PMFBP1: variants seen among roughly 807,000 people sequenced by gnomAD.
PMFBP1 encodes polyamine-modulated factor 1-binding protein 1.
In PMFBP1, 131 loss-of-function variants were observed where a neutral mutation model predicts 137.8. That is an observed-to-expected ratio of 0.95 (90% CI 0.82 to 1.10). The LOEUF (loss-of-function observed/expected upper bound fraction) is 1.10, where lower values mean the gene tolerates loss of function less well. Among genes scored for constraint, PMFBP1 ranks in the 50% least tolerant of loss-of-function variants. PMFBP1 has a pLI of 0.00. For missense variants in PMFBP1, 1,199 were observed against 1,175.4 expected (o/e 1.02, Z -0.29); for synonymous variants, 490 against 450.4 (o/e 1.09, Z -1.11).
In PMFBP1 at chr16:72,132,839, C is replaced by T; in HGVS notation, c.1356G>A (p.Lys452=). The change falls in exon 10 of 21, where the codon AAG becomes AAA. Residue 452 remains lysine, a synonymous_variant. Transcript: ENST00000237353. The part of the protein sequence containing the change: ...EMTVKEAKQD[K]SKEAECKALQ... ...GGGCCTTGCACTCCGCCTCCTTGGA[C>T]TTGTCCTGCTTAGCCTCCTTGACTG... The T allele has an allele frequency of 6.2e-7, 1 of 1,614,242 alleles. No individual in the cohort carries two copies. Among genetic ancestry groups the T allele is most frequent in the Non-Finnish European group, 8.5e-7 (1 of 1,180,038 alleles).
chr16:72,125,752 G>C (rs1459976543), intron 15 of PMFBP1, among the ~76,000 whole-genome samples: 1 of 152,134 alleles, frequency 6.6e-6, no homozygotes, highest in East Asian at 1.9e-4. Flanking sequence ...GCTAGATTTG[G>C]TTTTGATCTT....
the PMFBP1 span, among the ~76,000 whole-genome samples, chr16:72,187,119 A>G: frequency 1.3e-5 from 2 of 151,880 alleles, no homozygotes; most frequent in South Asian, 4.1e-4. Context: ...TCTCAAAAAA[A>G]AAAAAAATAA....
At chr16:72,163,414 A>G (rs1459412557) in intron 3 of PMFBP1, among the ~76,000 whole-genome samples, 1 of 152,196 alleles carries the variant, frequency 6.6e-6, no homozygotes, top group Non-Finnish European at 1.5e-5. Flanking sequence ...AACAGCCTAG[A>G]CTCTAGATAA....
the PMFBP1 span, among the ~76,000 whole-genome samples, chr16:72,188,552 A>T: frequency 1.2e-4 from 19 of 152,234 alleles, no homozygotes; most frequent in Non-Finnish European, 2.6e-4. Flanking sequence ...CATGCTTTAC[A>T]TATGAAGCTC....
chr16:72,233,149 C>CT, the PMFBP1 span, among the ~76,000 whole-genome samples: 4 of 152,050 alleles, frequency 2.6e-5, no homozygotes, highest in African/African-American at 9.7e-5. Flanking sequence ...TGAACCCCCC[C>CT]AATAGTAAGG....
At chr16:72,243,187 G>A in the PMFBP1 span, among the ~76,000 whole-genome samples, 2 of 152,228 alleles carry the variant, frequency 1.3e-5, no homozygotes, top group Non-Finnish European at 2.9e-5. Flanking sequence ...TCCTGCCAAA[G>A]ACATTAATGC....
the PMFBP1 span, among the ~76,000 whole-genome samples, chr16:72,183,492 T>C: frequency 1.3e-5 from 2 of 152,170 alleles, no homozygotes; most frequent in African/African-American, 4.8e-5. Context: ...CATCTTTACA[T>C]GGTGTTCTCC....
At chr16:72,232,091 T>C in the PMFBP1 span, among the ~76,000 whole-genome samples, 1 of 152,170 alleles carries the variant, frequency 6.6e-6, no homozygotes, top group Admixed American at 6.6e-5. Flanking sequence ...TTGTGTGGAT[T>C]AAAAGCCCTC....
chr16:72,220,573 T>C, the PMFBP1 span, among the ~76,000 whole-genome samples: 3 of 152,230 alleles, frequency 2.0e-5, no homozygotes, highest in Admixed American at 2.0e-4. Flanking sequence ...AGATTTTCTA[T>C]ATAAACATTT....
At chr16:72,238,868 G>A in the PMFBP1 span, among the ~76,000 whole-genome samples, 6 of 152,012 alleles carry the variant, frequency 3.9e-5, no homozygotes, top group Admixed American at 6.6e-5. Flanking sequence ...TGGTGGGGTG[G>A]GCGTTACTGA....
At chr16:72,204,126 A>C in the PMFBP1 span, among the ~76,000 whole-genome samples, 1 of 151,004 alleles carries the variant, frequency 6.6e-6, no homozygotes, top group African/African-American at 2.4e-5. Context: ...CTCTGTGAGC[A>C]CTCAGCATAC....
the PMFBP1 span, among the ~76,000 whole-genome samples, chr16:72,216,288 T>C: frequency 6.6e-6 from 1 of 152,202 alleles, no homozygotes; most frequent in African/African-American, 2.4e-5. Context: ...GCAGAAATGA[T>C]TTTATTGTGT....
At chr16:72,166,568 C>T (rs1223193592) in intron 2 of PMFBP1, among the ~76,000 whole-genome samples, 1 of 152,154 alleles carries the variant, frequency 6.6e-6, no homozygotes, top group African/African-American at 2.4e-5. Flanking sequence ...TAAAGAAACA[C>T]TCCCAAGAAA....
At chr16:72,206,500 C>T in the PMFBP1 span, among the ~76,000 whole-genome samples, 2 of 152,214 alleles carry the variant, frequency 1.3e-5, no homozygotes, top group Non-Finnish European at 2.9e-5. Context: ...GAAATGCATA[C>T]GGCCTTTGTA....
intron 7 of PMFBP1, 32 bp from the exon 8 acceptor site, chr16:72,136,851 A>C: frequency 6.2e-7 from 1 of 1,613,532 alleles, no homozygotes; most frequent in Non-Finnish European, 8.5e-7. Flanking sequence ...CAGGATGAGG[A>C]GATGAGAGAC....
intron 19 of PMFBP1, among the ~76,000 whole-genome samples, chr16:72,120,454 C>A (rs1303399216): frequency 6.6e-6 from 1 of 152,214 alleles, no homozygotes; most frequent in Non-Finnish European, 1.5e-5. Context: ...CTGGTAGGGA[C>A]AACTGTGATC....
the PMFBP1 span, among the ~76,000 whole-genome samples, chr16:72,182,327 C>T: frequency 3.3e-5 from 5 of 152,090 alleles, no homozygotes; most frequent in Non-Finnish European, 7.4e-5. Flanking sequence ...AAAAACCTAT[C>T]TCTACTAAAA....
intron 11 of PMFBP1, 56 bp downstream of exon 11, chr16:72,130,477 C>T (rs1005284383): frequency 7.1e-5 from 115 of 1,608,404 alleles, no homozygotes; most frequent in South Asian, 2.1e-4. Flanking sequence ...ACAGAGGGCC[C>T]GGCTGGGTCA....
At chr16:72,202,930 G>A in the PMFBP1 span, among the ~76,000 whole-genome samples, 5 of 152,172 alleles carry the variant, frequency 3.3e-5, no homozygotes, top group Admixed American at 6.5e-5. Context: ...GCTGGGTGCC[G>A]ACGTTCAGAG....
Sources: allele counts gnomAD v4.1 joint callset (sites outside exome capture counted in the v4.1 genomes callset), GRCh38; gene constraint gnomAD v4.1.1; transcripts MANE v1.5; gene names NCBI Gene and HGNC (gene_info 2026-07-23, HGNC 2026-07-21).